Variants in ASTN2 observed in about 807,000 individuals in gnomAD.
The protein encoded by ASTN2 is astrotactin 2.
A neutral mutation model predicts 139.8 loss-of-function variants in ASTN2; 54 were observed. That is an observed-to-expected ratio of 0.39 (90% CI 0.31 to 0.48). ASTN2 has a LOEUF of 0.48. Ranked by LOEUF, ASTN2 falls within the 20% of genes least tolerant of loss-of-function variation. The pLI is 0.95. For synonymous variants in ASTN2, 756 were observed against 719.5 expected (o/e 1.05, Z -0.81); for missense variants, 1,565 against 1,725.1 (o/e 0.91, Z 1.64).
chr9:117,139,591 C>T (rs1404183119), intron 4 of ASTN2, among the ~76,000 whole-genome samples: 1 of 152,188 alleles, frequency 6.6e-6, no homozygotes, highest in Non-Finnish European at 1.5e-5. Flanking sequence ...CAAGATTTTA[C>T]AAGATTAAGA....
chr9:117,013,504 C>G (rs1267626175), intron 6 of ASTN2, among the ~76,000 whole-genome samples: 3 of 148,662 alleles, frequency 2.0e-5, no homozygotes, highest in Non-Finnish European at 4.4e-5. Flanking sequence ...TTTTCTCCCA[C>G]TTACTTGTGG....
At chr9:116,951,013 G>C (rs897388351) in intron 10 of ASTN2, among the ~76,000 whole-genome samples, 4 of 152,166 alleles carry the variant, frequency 2.6e-5, no homozygotes, top group Non-Finnish European at 1.5e-5. Context: ...GGTCAAGACA[G>C]AGATGGGAAC....
At chr9:116,798,709 C>A (rs1830764116) in intron 13 of ASTN2, among the ~76,000 whole-genome samples, 3 of 152,192 alleles carry the variant, frequency 2.0e-5, no homozygotes. Context: ...CAGAATTTCA[C>A]TGCTAGGAGA....
chr9:116,904,872 T>C (rs7029188), intron 10 of ASTN2, among the ~76,000 whole-genome samples: 61,222 of 152,040 alleles, frequency 0.4, 15,148 homozygotes, highest in Non-Finnish European at 0.55. Context: ...TAGAAATTCA[T>C]TTGGTGGTAA....
At chr9:116,751,626 A>G (rs2132154600) in intron 13 of ASTN2, among the ~76,000 whole-genome samples, 1 of 152,184 alleles carries the variant, frequency 6.6e-6, no homozygotes, top group Non-Finnish European at 1.5e-5. Context: ...AGAATCCACA[A>G]CAAAATACTG....
rs547405101 is a variant in ASTN2, at chr9:117,008,959, T to C, written c.1424-700A>G. Among the ~76,000 whole-genome samples the C allele has an allele frequency of 2.0e-5, 3 of 151,794 alleles. No homozygotes were observed. In the South Asian group the frequency reaches 6.3e-4, roughly 32 times the overall value. On this transcript the variant is annotated intron_variant, in intron 6 of 22. Coordinates refer to ENST00000313400, the MANE Select transcript of ASTN2 (RefSeq NM_001365068.1). ...AGACAAAGTGAGATTTCCAAAGAAATCCCCAGCACCTCTAAGGAAAAGAGC... is the reference window on the plus strand; with the variant it reads ...AGACAAAGTGAGATTTCCAAAGAAACCCCCAGCACCTCTAAGGAAAAGAGC...
chr9:116,626,100 C>G (rs1163761352), intron 17 of ASTN2, among the ~76,000 whole-genome samples: 1 of 150,370 alleles, frequency 6.7e-6, no homozygotes, highest in Non-Finnish European at 1.5e-5. Context: ...CTGCCTCAGC[C>G]TCCTGAGTAG....
At chr9:116,727,998 G>A (rs561872033) in intron 15 of ASTN2, among the ~76,000 whole-genome samples, 1 of 152,222 alleles carries the variant, frequency 6.6e-6, no homozygotes, top group East Asian at 1.9e-4. Flanking sequence ...GAGAACAAAA[G>A]ACCTCATAGA....
intron 11 of ASTN2, among the ~76,000 whole-genome samples, chr9:116,828,660 C>A (rs1415934186): frequency 1.3e-5 from 2 of 152,134 alleles, no homozygotes; most frequent in Non-Finnish European, 2.9e-5. Context: ...ACAAAGACAT[C>A]CCCTTTCAAC....
chr9:117,066,821 T>C (rs1414422412), intron 5 of ASTN2, among the ~76,000 whole-genome samples: 3 of 148,708 alleles, frequency 2.0e-5, no homozygotes, highest in Admixed American at 6.7e-5. Flanking sequence ...GAAGTGTCTG[T>C]TCATGTCCTT....
chr9:117,010,633 A>T (rs971544401), intron 6 of ASTN2, among the ~76,000 whole-genome samples: 1 of 152,216 alleles, frequency 6.6e-6, no homozygotes. Flanking sequence ...TAAAGATTAC[A>T]TAAGACAATG....
chr9:116,763,120 C>G (rs1442499418), intron 13 of ASTN2, among the ~76,000 whole-genome samples: 3 of 152,152 alleles, frequency 2.0e-5, no homozygotes, highest in Admixed American at 1.3e-4. Context: ...ATAATCATGG[C>G]TTCAGTGGCT....
chr9:117,353,102 C>T (rs1322458864), intron 1 of ASTN2, among the ~76,000 whole-genome samples: 1 of 152,130 alleles, frequency 6.6e-6, no homozygotes, highest in Non-Finnish European at 1.5e-5. Flanking sequence ...TTGATGGTTG[C>T]ACCACACTAT....
intron 19 of ASTN2, among the ~76,000 whole-genome samples, chr9:116,548,847 T>C (rs569393058): frequency 6.6e-6 from 1 of 152,080 alleles, no homozygotes; most frequent in East Asian, 1.9e-4. Flanking sequence ...GGTATAGGGG[T>C]CTGGGCAGCA....
Position 116,603,797 on chromosome 9 carries a change from T to C in ASTN2, c.3355+14527A>G, listed in dbSNP as rs1369857963. Among the ~76,000 whole-genome samples, 6 of 152,184 alleles carry C rather than the reference T, an allele frequency of 3.9e-5. No individual in the cohort carries two copies. The East Asian group carries it at 9.6e-4, about 24-fold the overall frequency. On this transcript the variant is annotated intron_variant, in intron 19 of 22. Coordinates refer to ENST00000313400, the MANE Select transcript of ASTN2 (RefSeq NM_001365068.1). ...GAGAGAAATACAGATTTTCTTCTCT[T>C]GGCGTCTCTAACGGGAAGCTGCTAC...
chr9:116,872,874 T>C (rs1200696603), intron 10 of ASTN2, among the ~76,000 whole-genome samples: 1 of 152,028 alleles, frequency 6.6e-6, no homozygotes, highest in African/African-American at 2.4e-5. Context: ...GGAGGTGAGA[T>C]ATGGCAAAGG....
intron 4 of ASTN2, among the ~76,000 whole-genome samples, chr9:117,121,803 AT>A (rs1240620696): frequency 6.6e-6 from 1 of 152,218 alleles, no homozygotes; most frequent in African/African-American, 2.4e-5. Context: ...GCAGAAGCCG[AT>A]GGGGAAGCCA....
chr9:116,813,961 G>A (rs1048518451), intron 12 of ASTN2, among the ~76,000 whole-genome samples: 3 of 151,590 alleles, frequency 2.0e-5, no homozygotes, highest in East Asian at 1.9e-4. Context: ...GTTTGAACCC[G>A]GGAGGAGGTG....
intron 3 of ASTN2, among the ~76,000 whole-genome samples, chr9:117,152,669 A>AG (rs1174662996): frequency 6.6e-6 from 1 of 152,176 alleles, no homozygotes; most frequent in Non-Finnish European, 1.5e-5. Flanking sequence ...GTTACATGCC[A>AG]GAAAAAATTG....
Sources: allele counts gnomAD v4.1 joint callset (sites outside exome capture counted in the v4.1 genomes callset), GRCh38; gene constraint gnomAD v4.1.1; transcripts MANE v1.5; gene names NCBI Gene and HGNC (gene_info 2026-07-23, HGNC 2026-07-21).